AMPH: variants seen among roughly 807,000 people sequenced by gnomAD.
AMPH encodes the protein amphiphysin (Stiff-Mann syndrome with breast cancer 128kD autoantigen).
AMPH carries 49 observed loss-of-function variants against 99.1 expected under a neutral mutation model. The observed-to-expected ratio is 0.49, with a 90% CI of 0.39 to 0.63. The LOEUF (loss-of-function observed/expected upper bound fraction) is 0.63. Among genes scored for constraint, AMPH ranks in the 20% least tolerant of loss-of-function variants. The pLI is 0.00. For missense variants in AMPH, 759 were observed against 863.4 expected (o/e 0.88, Z 1.52); for synonymous variants, 314 against 317.3 (o/e 0.99, Z 0.11).
At chr7:38,418,169 A>C in intron 16 of AMPH, 2 of 380,336 alleles carry the variant, frequency 5.3e-6, no homozygotes, top group Non-Finnish European at 9.2e-6. Context: ...TACCATCATC[A>C]AGACTGTCAT....
chr7:38,441,752 T>TATATATG (rs1562757298), intron 11 of AMPH, among the ~76,000 whole-genome samples: 2 of 89,194 alleles, frequency 2.2e-5, no homozygotes, highest in African/African-American at 9.1e-5. Flanking sequence ...AGATATATCA[T>TATATATG]ATATATATCA....
chr7:38,548,311 G>A (rs776666687), intron 1 of AMPH, among the ~76,000 whole-genome samples: 1 of 151,980 alleles, frequency 6.6e-6, no homozygotes. Flanking sequence ...TTACAGGCTT[G>A]AGCCACTGCA....
At chr7:38,566,078 ACT>A (rs1791732650) in intron 1 of AMPH, among the ~76,000 whole-genome samples, 2 of 150,690 alleles carry the variant, frequency 1.3e-5, no homozygotes, top group African/African-American at 2.4e-5. Flanking sequence ...CCTTTCCCTT[ACT>A]CTCTGTTTTT....
intron 5 of AMPH, among the ~76,000 whole-genome samples, chr7:38,486,967 A>T (rs1254921687): frequency 6.6e-6 from 1 of 152,170 alleles, no homozygotes; most frequent in Non-Finnish European, 1.5e-5. Flanking sequence ...TACAGTTAAC[A>T]TCATATCCAG....
At position 38,383,906 on chromosome 7, in the gene AMPH, T is replaced by C. The variant is rs572121093; in HGVS notation, c.*912A>G. On this transcript the variant is annotated 3_prime_UTR_variant, in exon 21 of 21. Transcript: ENST00000356264. Reference sequence around the variant, plus strand: ...GTGTTCTTTTGGGGGTAGATGAATATGCCCCATCTTTCTACCCAATCTCAT... The same window carrying C: ...GTGTTCTTTTGGGGGTAGATGAATACGCCCCATCTTTCTACCCAATCTCAT... The C allele has an allele frequency of 2.6e-5, 4 of 152,768 alleles. No individual in the cohort carries two copies. Among genetic ancestry groups the C allele is most frequent in the African/African-American group, 9.6e-5 (4 of 41,570 alleles). 9.5% of individuals were successfully genotyped at this position (152,768 alleles called of 1,614,324 possible). A position where few individuals can be genotyped will look rare whatever the true frequency, so the allele number is the denominator to read the frequency against.
At chr7:38,458,546 A>C (rs1787318272) in intron 11 of AMPH, among the ~76,000 whole-genome samples, 1 of 152,220 alleles carries the variant, frequency 6.6e-6, no homozygotes. Flanking sequence ...GGATCTAAGG[A>C]TAGTTTAACT....
At chr7:38,392,131 T>G in intron 18 of AMPH, 114 bp from the exon 19 acceptor site, 3 of 1,052,160 alleles carry the variant, frequency 2.9e-6, no homozygotes, top group Non-Finnish European at 2.7e-6. Flanking sequence ...ACTTCCATAC[T>G]TCCCCACTAG....
intron 3 of AMPH, among the ~76,000 whole-genome samples, chr7:38,497,827 T>C (rs1788986300): frequency 6.6e-6 from 1 of 152,212 alleles, no homozygotes; most frequent in Non-Finnish European, 1.5e-5. Context: ...AAATAGGCAG[T>C]TGGTGAGGTA....
intron 3 of AMPH, among the ~76,000 whole-genome samples, chr7:38,499,945 TCCTTTG>T (rs1330617592): frequency 6.6e-6 from 1 of 152,194 alleles, no homozygotes; most frequent in Non-Finnish European, 1.5e-5. Flanking sequence ...CCTTTGCTCC[TCCTTTG>T]CCTTTGCCAT....
rs562545916 is a variant in AMPH at position 38,396,066 on chromosome 7, G to C, written c.1399-1852C>G. Among the ~76,000 whole-genome samples the C allele has an allele frequency of 9.2e-5, 14 of 152,276 alleles. No homozygotes were observed. In the East Asian group the frequency reaches 2.1e-3, roughly 23 times the overall value. On this transcript the variant is annotated intron_variant, in intron 17 of 20. Transcript: ENST00000356264. ...AGAAACTTATTTCCCTCTCTTATGA[G>C]AATCTCCTATTACGAGGATGTGGCT...
At chr7:38,435,483 T>C (rs1438059325) in intron 12 of AMPH, among the ~76,000 whole-genome samples, 1 of 152,212 alleles carries the variant, frequency 6.6e-6, no homozygotes, top group African/African-American at 2.4e-5. Flanking sequence ...AATTCATATG[T>C]GGGGCTCCAA....
intron 1 of AMPH, among the ~76,000 whole-genome samples, chr7:38,603,305 ACT>A (rs1793317326): frequency 8.6e-6 from 1 of 116,956 alleles, no homozygotes; most frequent in African/African-American, 3.6e-5. Flanking sequence ...ACAGAGTGAG[ACT>A]CTGTCTCAAA....
chr7:38,445,461 G>T (rs1786739663), intron 11 of AMPH, among the ~76,000 whole-genome samples: 1 of 152,050 alleles, frequency 6.6e-6, no homozygotes, highest in Non-Finnish European at 1.5e-5. Context: ...AAATTACACT[G>T]CCAAGAGAAT....
chr7:38,587,267 T>C (rs146388176), intron 1 of AMPH, among the ~76,000 whole-genome samples: 20 of 152,326 alleles, frequency 1.3e-4, no homozygotes, highest in Admixed American at 5.2e-4. Context: ...GAAACAGCTC[T>C]GGGTGCTAAT....
chr7:38,461,387 G>C lies in AMPH; in HGVS notation c.913C>G (p.Pro305Ala). The C allele has an allele frequency of 6.2e-7, 1 of 1,614,170 alleles. No individual in the cohort carries two copies. Among genetic ancestry groups the C allele is most frequent in the Non-Finnish European group, 8.5e-7 (1 of 1,179,986 alleles). The change falls in exon 11 of 21, where the codon CCT becomes GCT. Residue 305 changes from proline (P) to alanine (A), a missense_variant. Physicochemically the swap from Pro to Ala is conservative, Grantham distance 27 (BLOSUM62 -1). Transcript: ENST00000356264. ...TTTGTCGGGGTGACTTTAGGTAGAG[G>C]TGGGACAGGAGGCCCTTTCCTTGTC... ...SQTRKGPPVP[P>A]LPKVTPTKEL...
chr7:38,455,477 G>A (rs1014066941), intron 11 of AMPH, among the ~76,000 whole-genome samples: 10 of 152,298 alleles, frequency 6.6e-5, no homozygotes, highest in African/African-American at 2.4e-4. Flanking sequence ...TTCACACTGT[G>A]AATAGATCAC....
intron 11 of AMPH, among the ~76,000 whole-genome samples, chr7:38,450,051 G>C (rs2284254): frequency 6.6e-6 from 1 of 152,008 alleles, no homozygotes; most frequent in African/African-American, 2.4e-5. Context: ...GAGACATAAG[G>C]GTAGAAAAGC....
At chr7:38,491,466 T>G (rs1788716424) in intron 4 of AMPH, among the ~76,000 whole-genome samples, 1 of 152,136 alleles carries the variant, frequency 6.6e-6, no homozygotes, top group South Asian at 2.1e-4. Context: ...CTGAGAATAA[T>G]TCCACTAAGA....
chr7:38,392,134 C>T (rs1218356895), intron 18 of AMPH, 117 bp from the exon 19 acceptor site: 1 of 1,034,762 alleles, frequency 9.7e-7, no homozygotes, highest in Admixed American at 2.5e-5. Context: ...TCCATACTTC[C>T]CCACTAGCCA....
Sources: gnomAD v4.1 joint callset for allele counts (sites outside exome capture counted in the v4.1 genomes callset) on GRCh38, gnomAD v4.1.1 for gene constraint, MANE v1.5 for transcripts, NCBI Gene and HGNC (gene_info 2026-07-23, HGNC 2026-07-21) for gene names.